The following DDB1 variants were observed in gnomAD, a reference collection of about 807,000 sequenced individuals.
DDB1 encodes DNA damage-binding protein 1.
In DDB1, 18 loss-of-function variants were observed where a neutral mutation model predicts 133.1. That is an observed-to-expected ratio of 0.14 (90% CI 0.09 to 0.20). DDB1 has a LOEUF of 0.20. Among genes scored for constraint, DDB1 ranks in the 10% least tolerant of loss-of-function variants. The probability of loss-of-function intolerance (pLI) is 1.00; values close to 1 mark genes in which losing one functional copy is unlikely to be tolerated. For synonymous variants in DDB1, 580 were observed against 550.5 expected (o/e 1.05, Z -0.75); for missense variants, 828 against 1,459.2 (o/e 0.57, Z 7.05).
chr11:61,314,745 G>T, intron 12 of DDB1: 1 of 324,082 alleles, frequency 3.1e-6, no homozygotes, highest in Non-Finnish European at 5.7e-6. Context: ...TTCTAATTGA[G>T]ACTTACTTGG....
intron 2 of DDB1, 89 bp from the exon 3 acceptor site, chr11:61,330,163 A>G (rs1449991130): frequency 3.7e-6 from 4 of 1,071,498 alleles, no homozygotes; most frequent in Non-Finnish European, 5.4e-6. Flanking sequence ...TTCTTTAAGA[A>G]TTTTCCAAAT....
At chr11:61,308,745 G>A (rs1333142965) in intron 21 of DDB1, among the ~76,000 whole-genome samples, 1 of 152,156 alleles carries the variant, frequency 6.6e-6, no homozygotes, top group Non-Finnish European at 1.5e-5. Context: ...GGTCTCACTC[G>A]TTTCTCAAGT....
At chr11:61,313,473 C>T in intron 16 of DDB1, 26 bp downstream of exon 16, 3 of 1,601,590 alleles carry the variant, frequency 1.9e-6, no homozygotes, top group Non-Finnish European at 2.6e-6. Flanking sequence ...CAATAGCTCT[C>T]ATTAAATAAG....
chr11:61,309,229 G>T, intron 20 of DDB1, 152 bp from the exon 21 acceptor site: 1 of 689,902 alleles, frequency 1.4e-6, no homozygotes, highest in Non-Finnish European at 2.5e-6. Context: ...TGGAGTTAAT[G>T]ACCACGTGAA....
In DDB1 at chr11:61,316,346, C is replaced by G; in HGVS notation, c.1349G>C (p.Gly450Ala). The change falls in exon 12 of 27, where the codon GGT becomes GCT. Residue 450 changes from glycine (G) to alanine (A), a missense_variant. Transcript: ENST00000301764. ...GAAAGTCTGCTGATCATCCACGAAA[C>G]CCATCAGTTCGGTTTCTTCTACCTC... ...GEEVEETELMGFVDDQQTFFC... is the reference protein window; with the variant it reads ...GEEVEETELMAFVDDQQTFFC... The G allele has an allele frequency of 6.2e-7, 1 of 1,614,146 alleles. No individual in the cohort carries two copies. Among genetic ancestry groups the G allele is most frequent in the Non-Finnish European group, 8.5e-7 (1 of 1,180,036 alleles).
Position 61,302,240 on chromosome 11 carries a change from G to A in DDB1, c.3215+17C>T. 6.2e-7 allele frequency: 1 copy of A among 1,605,346 alleles called. No homozygotes were observed. The highest frequency in any genetic ancestry group is 8.5e-7 in the Non-Finnish European group (1 of 1,171,960). Reference sequence around the variant, plus strand: ...GGGATGTGCTTCCCAGCAAGGGGATGGCTCTGGGAAGGATATAAGGAGTGC... The same window carrying A: ...GGGATGTGCTTCCCAGCAAGGGGATAGCTCTGGGAAGGATATAAGGAGTGC... On this transcript the variant is annotated intron_variant, in intron 25 of 26. Transcript: ENST00000301764.
chr11:61,326,111 C>T, intron 5 of DDB1: 1 of 278,102 alleles, frequency 3.6e-6, no homozygotes, highest in Non-Finnish European at 6.9e-6. Context: ...CTGAGAAGAG[C>T]CAATTTTCTC....
In DDB1 at chr11:61,309,784, G is replaced by A. The variant is rs779557754; in HGVS notation, c.2566+12C>T. The A allele has an allele frequency of 5.6e-6, 9 of 1,607,968 alleles. No individual in the cohort carries two copies. In the South Asian group the frequency reaches 9.9e-5, roughly 18 times the overall value. ...TCACATCCCTCAGAAACTGGAGACT[G>A]CGCCCACTTACCATCCGAATACTGA... is the stretch of plus-strand genomic sequence containing the variant. On this transcript the variant is annotated intron_variant, in intron 20 of 26. Transcript: ENST00000301764.
At chr11:61,321,193 CTTTT>C (rs928367698) in intron 10 of DDB1, 1 of 155,144 alleles carries the variant, frequency 6.4e-6, no homozygotes, top group African/African-American at 2.4e-5. Context: ...AGCCTCTGAT[CTTTT>C]TTTTATTAAA....
At chr11:61,320,738 GGTTTT>G (rs1028841397) in intron 10 of DDB1, among the ~76,000 whole-genome samples, 20 of 152,114 alleles carry the variant, frequency 1.3e-4, no homozygotes, top group African/African-American at 3.6e-4. Context: ...ACTTTAAGGT[GGTTTT>G]GTTTTATGAT....
intron 8 of DDB1, 74 bp downstream of exon 8, chr11:61,322,937 C>T (rs945918347): frequency 1.0e-5 from 13 of 1,241,444 alleles, no homozygotes; most frequent in African/African-American, 1.5e-5. Flanking sequence ...CTGAGAGGTG[C>T]CAAACATAGG....
At chr11:61,311,952 CA>C in intron 17 of DDB1, 36 bp downstream of exon 17, 1 of 1,613,746 alleles carries the variant, frequency 6.2e-7, no homozygotes, top group Non-Finnish European at 8.5e-7. Context: ...CACCCTACAC[CA>C]ACCCCCACTT....
chr11:61,327,004 G>A (rs1428811319), intron 4 of DDB1, 111 bp from the exon 5 acceptor site: 4 of 756,734 alleles, frequency 5.3e-6, no homozygotes, highest in Middle Eastern at 3.0e-4. Flanking sequence ...GTCCTGTCAT[G>A]TCAGCCCTCC....
rs561301878 is a variant in DDB1 at position 61,305,469 on chromosome 11, T to C, written c.2662-1434A>G. Among the ~76,000 whole-genome samples, 5 of 152,322 alleles carry C rather than the reference T, an allele frequency of 3.3e-5. No homozygotes were observed. The East Asian group carries it at 5.8e-4, about 18-fold the overall frequency. On this transcript the variant is annotated intron_variant, in intron 21 of 26. Coordinates refer to ENST00000301764, the MANE Select transcript of DDB1 (RefSeq NM_001923.5). ...TTGCAGTGAGCCAAGACTGCGCCAT[T>C]GCACTCCAGCGTGGCGACAGAGTGA...
At chr11:61,329,662 G>A in intron 3 of DDB1, 78 bp from the exon 4 acceptor site, 2 of 1,400,944 alleles carry the variant, frequency 1.4e-6, no homozygotes, top group Non-Finnish European at 1.9e-6. Flanking sequence ...CACTTGTGCA[G>A]AAAAATTTTA....
intron 2 of DDB1, among the ~76,000 whole-genome samples, chr11:61,331,024 G>A (rs1291020904): frequency 2.0e-5 from 3 of 152,098 alleles, no homozygotes; most frequent in South Asian, 2.1e-4. Context: ...TCATTTCATC[G>A]TCACAACAAC....
chr11:61,307,261 G>A (rs1453400308), intron 21 of DDB1, among the ~76,000 whole-genome samples: 3 of 152,208 alleles, frequency 2.0e-5, no homozygotes, highest in African/African-American at 7.2e-5. Context: ...CTCCTTGAGG[G>A]GTTTTCTGTA....
chr11:61,325,782 T>C, intron 5 of DDB1, 74 bp from the exon 6 acceptor site: 1 of 1,222,168 alleles, frequency 8.2e-7, no homozygotes, highest in Non-Finnish European at 1.2e-6. Context: ...AAAGTACAGG[T>C]CTAGTTAGCC....
At chr11:61,310,018 T>G in intron 19 of DDB1, 58 bp from the exon 20 acceptor site, 4 of 1,607,288 alleles carry the variant, frequency 2.5e-6, no homozygotes, top group Non-Finnish European at 3.4e-6. Flanking sequence ...CACGCACACA[T>G]AACCCCGTAT....
Sources: allele counts gnomAD v4.1 joint callset (sites outside exome capture counted in the v4.1 genomes callset), GRCh38; gene constraint gnomAD v4.1.1; transcripts MANE v1.5; gene names NCBI Gene and HGNC (gene_info 2026-07-23, HGNC 2026-07-21).